Variants in GPR158 observed in about 807,000 individuals in gnomAD.
The protein encoded by GPR158 is G protein-coupled receptor 158.
In GPR158, 30 loss-of-function variants were observed where a neutral mutation model predicts 78.2. The observed-to-expected ratio is 0.38, with a 90% CI of 0.29 to 0.52. The LOEUF (loss-of-function observed/expected upper bound fraction) is 0.52, where lower values mean the gene tolerates loss of function less well. GPR158 is among the 20% of genes least tolerant of loss of function. The pLI, the probability that GPR158 is intolerant of heterozygous loss-of-function variation, is 0.83. For missense variants in GPR158, 1,463 were observed against 1,523.5 expected (o/e 0.96, Z 0.66); for synonymous variants, 581 against 591.1 (o/e 0.98, Z 0.25).
intron 2 of GPR158, among the ~76,000 whole-genome samples, chr10:25,264,583 C>T (rs1341962894): frequency 6.6e-6 from 1 of 152,192 alleles, no homozygotes; most frequent in African/African-American, 2.4e-5. Context: ...CTAATCTATA[C>T]ACAGAACTGT....
intron 2 of GPR158, among the ~76,000 whole-genome samples, chr10:25,374,009 C>CA (rs1196723023): frequency 2.6e-5 from 4 of 151,516 alleles, no homozygotes; most frequent in Non-Finnish European, 4.4e-5. Flanking sequence ...ACCATTACTG[C>CA]AAAAAAATGT....
At chr10:25,410,024 CT>C in intron 3 of GPR158, among the ~76,000 whole-genome samples, 1 of 152,182 alleles carries the variant, frequency 6.6e-6, no homozygotes, top group East Asian at 1.9e-4. Flanking sequence ...ATCTTGTAGC[CT>C]TTTCTCAGTC....
intron 5 of GPR158, among the ~76,000 whole-genome samples, chr10:25,487,372 A>G (rs765274946): frequency 4.6e-5 from 7 of 152,182 alleles, no homozygotes; most frequent in Non-Finnish European, 1.0e-4. Context: ...TGGCAATATC[A>G]TTTAAAAATT....
intron 3 of GPR158, among the ~76,000 whole-genome samples, chr10:25,406,607 TG>T (rs1487743730): frequency 6.6e-6 from 1 of 152,198 alleles, no homozygotes; most frequent in Non-Finnish European, 1.5e-5. Context: ...TCTTTCTTAT[TG>T]GAAGAAAACA....
intron 2 of GPR158, among the ~76,000 whole-genome samples, chr10:25,257,366 C>A (rs1348319803): frequency 6.6e-6 from 1 of 152,164 alleles, no homozygotes; most frequent in African/African-American, 2.4e-5. Flanking sequence ...GGGACATACT[C>A]AAACCATAGG....
At chr10:25,326,730 A>C in intron 2 of GPR158, among the ~76,000 whole-genome samples, 1 of 152,332 alleles carries the variant, frequency 6.6e-6, no homozygotes, top group East Asian at 1.9e-4. Flanking sequence ...CTTGAATATT[A>C]TTAAGAGAGT....
chr10:25,253,849 C>A (rs1853851063), intron 2 of GPR158, among the ~76,000 whole-genome samples: 2 of 152,060 alleles, frequency 1.3e-5, no homozygotes, highest in South Asian at 4.2e-4. Flanking sequence ...ACCAGCAAAC[C>A]AAATATTGTC....
rs573946923 is a variant in GPR158, at chr10:25,415,089, C to G, written c.1335+2616C>G. ...CCAAGAAACTTTTATTAGGAGAAAA[C>G]ATTGACATAAATCTTCATGACCTTC... is the stretch of plus-strand genomic sequence containing the variant. On this transcript the variant is annotated intron_variant, in intron 4 of 10. Coordinates refer to ENST00000376351, the MANE Select transcript of GPR158 (RefSeq NM_020752.3). Among the ~76,000 whole-genome samples, 666 of 152,124 alleles carry G rather than the reference C, an allele frequency of 4.4e-3. 2 individuals are homozygous for G. The highest frequency in any genetic ancestry group is 6.2e-3 in the Non-Finnish European group (418 of 67,918).
intron 2 of GPR158, among the ~76,000 whole-genome samples, chr10:25,380,829 T>G (rs1425741280): frequency 6.6e-6 from 1 of 152,178 alleles, no homozygotes; most frequent in African/African-American, 2.4e-5. Context: ...TTATAGAGGC[T>G]TGGATTAGTA....
At chr10:25,354,795 C>G (rs74743344) in intron 2 of GPR158, among the ~76,000 whole-genome samples, 1 of 152,034 alleles carries the variant, frequency 6.6e-6, no homozygotes, top group African/African-American at 2.4e-5. Flanking sequence ...AAGACTTTAT[C>G]TGAAGGATAT....
At chr10:25,278,002 A>C (rs1318746641) in intron 2 of GPR158, among the ~76,000 whole-genome samples, 1 of 152,202 alleles carries the variant, frequency 6.6e-6, no homozygotes. Context: ...AGGCAAGTAT[A>C]AAACTTCCTT....
rs1273185561 is a variant in GPR158, at chr10:25,572,812, G to A, written c.1678G>A (p.Gly560Ser). The A allele has an allele frequency of 3.7e-6, 6 of 1,613,794 alleles. No individual in the cohort carries two copies. Among genetic ancestry groups the A allele is most frequent in the African/African-American group, 1.3e-5 (1 of 74,898 alleles). ...QNLEKQISLI[G>S]QGKTSDHLIF... Reference sequence around the variant, plus strand: ...TTTGGAGAAACAGATTTCACTTATTGGCCAGGGGAAAACATCCGATCACCT... The same window carrying A: ...TTTGGAGAAACAGATTTCACTTATTAGCCAGGGGAAAACATCCGATCACCT... Residue 560 changes from glycine to serine, a missense_variant, in exon 7 of 11, where the codon GGC becomes AGC. Gly to Ser is a moderately conservative substitution (Grantham distance 56, BLOSUM62 0). Transcript: ENST00000376351.
At chr10:25,265,685 C>T (rs757986737) in intron 2 of GPR158, among the ~76,000 whole-genome samples, 5 of 152,076 alleles carry the variant, frequency 3.3e-5, no homozygotes, top group Non-Finnish European at 5.9e-5. Context: ...AAAGACCTTT[C>T]AGTTGGCTAC....
At chr10:25,430,625 C>T (rs992930971) in intron 4 of GPR158, among the ~76,000 whole-genome samples, 1 of 150,904 alleles carries the variant, frequency 6.6e-6, no homozygotes, top group African/African-American at 2.5e-5. Context: ...TACAAGGCTA[C>T]AGTAACCAAA....
chr10:25,411,539 A>G (rs2130548092), intron 3 of GPR158, among the ~76,000 whole-genome samples: 1 of 152,276 alleles, frequency 6.6e-6, no homozygotes, highest in Middle Eastern at 3.4e-3. Context: ...CTCGGCACAT[A>G]AAAGCATCAA....
intron 1 of GPR158, among the ~76,000 whole-genome samples, chr10:25,194,587 C>T (rs1288734630): frequency 6.6e-6 from 1 of 151,984 alleles, no homozygotes; most frequent in African/African-American, 2.4e-5. Context: ...AGTGAGACGA[C>T]TTGGAGGAGT....
intron 2 of GPR158, among the ~76,000 whole-genome samples, chr10:25,239,395 C>T (rs953175490): frequency 6.6e-6 from 1 of 151,864 alleles, no homozygotes; most frequent in African/African-American, 2.4e-5. Context: ...GAGAGATCTC[C>T]TGAGAGTTTG....
chr10:25,303,063 T>G (rs1372022642), intron 2 of GPR158, among the ~76,000 whole-genome samples: 2 of 152,192 alleles, frequency 1.3e-5, no homozygotes, highest in East Asian at 3.9e-4. Flanking sequence ...AAATTAGATA[T>G]GAAGACAGTT....
chr10:25,592,556 G>A (rs1414569071), intron 8 of GPR158, among the ~76,000 whole-genome samples: 2 of 151,960 alleles, frequency 1.3e-5, no homozygotes, highest in Non-Finnish European at 2.9e-5. Context: ...TTTCTAGTCA[G>A]AATTGCAACC....
Sources: allele counts gnomAD v4.1 joint callset (sites outside exome capture counted in the v4.1 genomes callset), GRCh38; gene constraint gnomAD v4.1.1; transcripts MANE v1.5; gene names NCBI Gene and HGNC (gene_info 2026-07-23, HGNC 2026-07-21).